The following ADCY5 variants were observed in gnomAD, a reference collection of about 807,000 sequenced individuals.
ADCY5 encodes the protein adenylate cyclase 5.
ADCY5 carries 30 observed loss-of-function variants against 119.7 expected under a neutral mutation model. The observed-to-expected ratio is 0.25, with a 90% confidence interval of 0.19 to 0.34. The LOEUF (loss-of-function observed/expected upper bound fraction) is 0.34. Among genes scored for constraint, ADCY5 ranks in the 10% least tolerant of loss-of-function variants. ADCY5 has a pLI of 1.00. For missense variants in ADCY5, 1,324 were observed against 1,775.2 expected (o/e 0.75, Z 4.57); for synonymous variants, 753 against 762.2 (o/e 0.99, Z 0.20).
At chr3:123,368,942 C>G (rs890656260) in intron 1 of ADCY5, among the ~76,000 whole-genome samples, 7 of 152,150 alleles carry the variant, frequency 4.6e-5, no homozygotes, top group Non-Finnish European at 7.3e-5. Flanking sequence ...CAAGAGAAGA[C>G]AGTCCCAGAC....
rs371608523 is a variant in ADCY5 at position 123,288,863 on chromosome 3, A to G, written c.3532+887T>C. On this transcript the variant is annotated intron_variant, in intron 19 of 20. Transcript: ENST00000462833. The stretch of plus-strand genomic sequence containing the variant: ...TGCCGGACACCACAGAGGTATCGGC[A>G]CAGCCCCTCCAGAGCCATCCAACTA... Among the ~76,000 whole-genome samples the G allele has an allele frequency of 2.6e-5, 4 of 152,322 alleles. No homozygotes were observed. The East Asian group carries it at 7.7e-4, about 29-fold the overall frequency.
chr3:123,323,027 A>G (rs1261806849), intron 8 of ADCY5, among the ~76,000 whole-genome samples: 6 of 152,124 alleles, frequency 3.9e-5, no homozygotes, highest in South Asian at 2.1e-4. Flanking sequence ...GGAAAGCCCA[A>G]TGGCCCTCGC....
In ADCY5 at chr3:123,400,195, C is replaced by G. The variant is rs189863667; in HGVS notation, c.1134+47217G>C. Among the ~76,000 whole-genome samples the G allele has an allele frequency of 2.6e-5, 4 of 152,324 alleles. No individual in the cohort carries two copies. In the East Asian group the frequency reaches 7.7e-4, roughly 29 times the overall value. ...AATCTGTGGGTCTGGGGTCCAGAAT[C>G]ACCTCTGCTCCCAAGTAACTGCATG... On this transcript the variant is annotated intron_variant, in intron 1 of 20. Coordinates refer to ENST00000462833, the MANE Select transcript of ADCY5 (RefSeq NM_183357.3).
intron 13 of ADCY5, 64 bp downstream of exon 13, chr3:123,304,003 A>G (rs745745134): frequency 1.3e-4 from 146 of 1,156,172 alleles, no homozygotes; most frequent in Non-Finnish European, 1.6e-4. Context: ...TGTCGGGTAC[A>G]TGGCTCCACT....
intron 1 of ADCY5, among the ~76,000 whole-genome samples, chr3:123,382,646 T>TG (rs1944069370): frequency 6.6e-6 from 1 of 152,218 alleles, no homozygotes; most frequent in Non-Finnish European, 1.5e-5. Flanking sequence ...AAAAACATTA[T>TG]GCTAAGTGAA....
chr3:123,383,477 C>A (rs1231894664), intron 1 of ADCY5, among the ~76,000 whole-genome samples: 1 of 152,156 alleles, frequency 6.6e-6, no homozygotes, highest in African/African-American at 2.4e-5. Context: ...CTTCTGATCG[C>A]CTGGGAAAAT....
At position 123,284,420 on chromosome 3, in the gene ADCY5, C is replaced by G; in HGVS notation, c.*188G>C. 2.3e-6 allele frequency: 2 copies of G among 868,542 alleles called. No homozygotes were observed. Among genetic ancestry groups the G allele is most frequent in the African/African-American group, 1.7e-5 (1 of 58,774 alleles). 53.8% of individuals were successfully genotyped at this position (868,542 alleles called of 1,614,324 possible). A position where few individuals can be genotyped will look rare whatever the true frequency, so the allele number is the denominator to read the frequency against. ...GCTGGGTGCTCGCAGGACGCTGGCA[C>G]CCCGGGGCCTGGGACAGAGGCCGCT... is the stretch of plus-strand genomic sequence containing the variant. On this transcript the variant is annotated 3_prime_UTR_variant, in exon 21 of 21. Transcript: ENST00000462833.
In ADCY5 at chr3:123,296,953, G is replaced by A. The variant is rs541039581; in HGVS notation, c.2930+400C>T. On this transcript the variant is annotated intron_variant, in intron 16 of 20. Transcript: ENST00000462833. ...AGGCAGCAGCCCTCAATGCAGGGAC[G>A]GGTCCCACAAGCACTGCAGCCCTCG... 2.4e-5 allele frequency: 37 copies of A among 1,528,844 alleles called. No homozygotes were observed. The South Asian group carries it at 2.8e-4, about 11-fold the overall frequency. The allele number at this position is 1,528,844 out of a possible 1,614,324, so 94.7% of individuals were successfully genotyped here. A position where few individuals can be genotyped will look rare whatever the true frequency, so the allele number is the denominator to read the frequency against.
intron 19 of ADCY5, among the ~76,000 whole-genome samples, chr3:123,287,932 A>C (rs768654191): frequency 4.6e-5 from 7 of 152,230 alleles, no homozygotes; most frequent in Non-Finnish European, 8.8e-5. Context: ...GAGGCTTTTC[A>C]AAAACACACA....
intron 17 of ADCY5, among the ~76,000 whole-genome samples, chr3:123,295,838 C>T (rs1939464819): frequency 6.6e-6 from 1 of 152,224 alleles, no homozygotes; most frequent in African/African-American, 2.4e-5. Context: ...CGTCAGAGTC[C>T]CAGCACTGTC....
chr3:123,314,618 CTGAATGGAGAACCAGGTGA>C (rs1940800812), intron 11 of ADCY5, among the ~76,000 whole-genome samples: 2 of 152,214 alleles, frequency 1.3e-5, no homozygotes, highest in Non-Finnish European at 2.9e-5. Context: ...CCACAGGAAG[CTGAATGGAGAACCAGGTGA>C]CACCTGATAG....
In ADCY5 at chr3:123,421,621, T is replaced by C. The variant is rs1423933193; in HGVS notation, c.1134+25791A>G. On this transcript the variant is annotated intron_variant, in intron 1 of 20. Coordinates refer to ENST00000462833, the MANE Select transcript of ADCY5 (RefSeq NM_183357.3). ...TCACCCAAGGGTGGGTGGTAGGCAA[T>C]GACTGGGTGGGAGGAGTTCTGAGTG... Among the ~76,000 whole-genome samples, 3 of 152,040 alleles carry C rather than the reference T, an allele frequency of 2.0e-5. No homozygotes were observed. The East Asian group carries it at 5.8e-4, about 29-fold the overall frequency.
intron 1 of ADCY5, among the ~76,000 whole-genome samples, chr3:123,439,761 A>G (rs1428509608): frequency 1.3e-5 from 2 of 152,184 alleles, no homozygotes; most frequent in African/African-American, 2.4e-5. Context: ...CAGAGCCACA[A>G]CCCGTCATCT....
chr3:123,326,528 A>T (rs1685150560), intron 7 of ADCY5, among the ~76,000 whole-genome samples: 1 of 152,266 alleles, frequency 6.6e-6, no homozygotes, highest in African/African-American at 2.4e-5. Context: ...GGTCTAGGGC[A>T]GGAAGCTGCG....
intron 12 of ADCY5, among the ~76,000 whole-genome samples, chr3:123,307,406 T>A (rs902778369): frequency 6.6e-5 from 10 of 152,210 alleles, no homozygotes; most frequent in Non-Finnish European, 7.3e-5. Flanking sequence ...AGTAAAGTGA[T>A]GCATTTGAAA....
chr3:123,294,016 C>G (rs1939338400), intron 17 of ADCY5, among the ~76,000 whole-genome samples: 1 of 152,186 alleles, frequency 6.6e-6, no homozygotes, highest in Non-Finnish European at 1.5e-5. Context: ...GGAGACCTGT[C>G]AAATAACAGA....
chr3:123,416,050 G>T, intron 1 of ADCY5: 1 of 941,298 alleles, frequency 1.1e-6, no homozygotes, highest in Non-Finnish European at 1.5e-6. Flanking sequence ...CCAAGATAAA[G>T]TTCCCACCTA....
intron 15 of ADCY5, among the ~76,000 whole-genome samples, chr3:123,299,460 C>T (rs1939705855): frequency 6.6e-6 from 1 of 152,226 alleles, no homozygotes; most frequent in Non-Finnish European, 1.5e-5. Flanking sequence ...GATTCTAACC[C>T]AATTTCACCC....
At chr3:123,360,352 G>A (rs1476101763) in intron 1 of ADCY5, among the ~76,000 whole-genome samples, 1 of 152,034 alleles carries the variant, frequency 6.6e-6, no homozygotes, top group Non-Finnish European at 1.5e-5. Context: ...GGATCTAGCT[G>A]CTCTGGGATT....
Sources: gnomAD v4.1 joint callset for allele counts (sites outside exome capture counted in the v4.1 genomes callset) on GRCh38, gnomAD v4.1.1 for gene constraint, MANE v1.5 for transcripts, NCBI Gene and HGNC (gene_info 2026-07-23, HGNC 2026-07-21) for gene names.